Variants in SLC16A6 observed in about 807,000 individuals in gnomAD.
The protein encoded by SLC16A6 is solute carrier family 16 member 6.
In SLC16A6, 15 loss-of-function variants were observed where a neutral mutation model predicts 33.8. The ratio of observed to expected loss-of-function variants is 0.44; its 90% confidence interval spans 0.30 to 0.68. SLC16A6 has a LOEUF of 0.68. SLC16A6 is among the 30% of genes least tolerant of loss of function. The pLI, the probability that SLC16A6 is intolerant of heterozygous loss-of-function variation, is 0.10. For synonymous variants in SLC16A6, 219 were observed against 248.4 expected, an observed-to-expected ratio of 0.88 and a Z score of 1.11; for missense variants, 451 against 661.5, an observed-to-expected ratio of 0.68 and a Z score of 3.49.
intron 1 of SLC16A6, among the ~76,000 whole-genome samples, chr17:68,281,778 G>T (rs1222206154): frequency 1.3e-5 from 2 of 152,128 alleles, no homozygotes; most frequent in African/African-American, 2.4e-5. Flanking sequence ...ATGCTGGCAA[G>T]GATGCGGAGA....
At chr17:68,287,666 C>G (rs2075871465) in intron 1 of SLC16A6, among the ~76,000 whole-genome samples, 1 of 152,266 alleles carries the variant, frequency 6.6e-6, no homozygotes, top group Admixed American at 6.5e-5. Context: ...AGATGACACC[C>G]TGAACCCCGT....
At chr17:68,273,001 C>A (rs1428932465) in intron 3 of SLC16A6, among the ~76,000 whole-genome samples, 1 of 146,866 alleles carries the variant, frequency 6.8e-6, no homozygotes, top group African/African-American at 2.5e-5. Context: ...TTTTTTTTAT[C>A]TTTGCAACAC....
chr17:68,268,411 T>C lies in SLC16A6; in HGVS notation c.*685A>G, dbSNP rs1255257497. 1 of 139,636 alleles carries C rather than the reference T, an allele frequency of 7.2e-6. No individual in the cohort carries two copies. The highest frequency in any genetic ancestry group is 1.5e-5 in the Non-Finnish European group (1 of 65,630). The allele number at this position is 139,636 out of a possible 1,614,324, so 8.6% of individuals were successfully genotyped here. On this transcript the variant is annotated 3_prime_UTR_variant, in exon 6 of 6. Transcript: ENST00000580666. ...ATAAAAAGAAGTGGTAATCTTCACA[T>C]TTATGAAGTTCAAGTTATATATATA...
chr17:68,273,955 A>G lies in SLC16A6; in HGVS notation c.348T>C (p.His116=), dbSNP rs782107115. 12 of 1,614,094 alleles carry G rather than the reference A, an allele frequency of 7.4e-6. No homozygotes were observed. In the South Asian group the frequency reaches 1.2e-4, roughly 16 times the overall value. ...VAASFSQEVS[H]MYVAIGIISG... is the part of the protein sequence containing the mutation. ...AGATGATGCCGATGGCGACGTACAT[A>G]TGAGAAACCTCTTGTGAGAAGGAGG... The change falls in exon 3 of 6, where the codon CAT becomes CAC. Residue 116 remains histidine (H), a synonymous_variant. Coordinates refer to ENST00000580666, the MANE Select transcript of SLC16A6 (RefSeq NM_004694.5).
intron 3 of SLC16A6, among the ~76,000 whole-genome samples, chr17:68,273,223 T>C (rs79998154): frequency 6.6e-6 from 1 of 151,600 alleles, no homozygotes; most frequent in African/African-American, 2.4e-5. Flanking sequence ...TTTTTTTTTT[T>C]AAACAGACAG....
At position 68,291,078 on chromosome 17, in the gene SLC16A6, C is replaced by G. The variant is rs1311349710; in HGVS notation, c.-8+8G>C. ...CTTTTAAACATGTAAAATAATAAAC[C>G]AACTCACCAAGTTAGAAGGGAAGAG... On this transcript the variant is annotated splice_region_variant and intron_variant, in intron 1 of 5. Coordinates refer to ENST00000580666, the MANE Select transcript of SLC16A6 (RefSeq NM_004694.5). The G allele has an allele frequency of 1.3e-5, 2 of 152,150 alleles. No individual in the cohort carries two copies. Among genetic ancestry groups the G allele is most frequent in the Non-Finnish European group, 2.9e-5 (2 of 68,016 alleles). The allele number at this position is 152,150 out of a possible 1,614,324, so 9.4% of individuals were successfully genotyped here. A position where few individuals can be genotyped will look rare whatever the true frequency, so the allele number is the denominator to read the frequency against.
chr17:68,283,476 G>A (rs559776243), intron 1 of SLC16A6, among the ~76,000 whole-genome samples: 131 of 149,748 alleles, frequency 8.7e-4, no homozygotes, highest in Non-Finnish European at 1.5e-3. Flanking sequence ...AGCCGAGATC[G>A]CGCCACTGCA....
At chr17:68,284,714 C>T (rs997003605) in intron 1 of SLC16A6, among the ~76,000 whole-genome samples, 8 of 152,190 alleles carry the variant, frequency 5.3e-5, no homozygotes, top group Non-Finnish European at 4.4e-5. Context: ...CTACTGATAG[C>T]GCCATTCCCA....
chr17:68,275,420 C>T (rs1555750568), intron 2 of SLC16A6, among the ~76,000 whole-genome samples: 1 of 152,064 alleles, frequency 6.6e-6, no homozygotes, highest in Non-Finnish European at 1.5e-5. Flanking sequence ...GGATGTAGCT[C>T]ATAATAAAAC....
At chr17:68,274,799 A>C (rs535992318) in intron 2 of SLC16A6, among the ~76,000 whole-genome samples, 1 of 133,380 alleles carries the variant, frequency 7.5e-6, no homozygotes, top group South Asian at 2.3e-4. Context: ...TTTTTTTTTG[A>C]GATGGAGTTT....
At chr17:68,291,478 C>T (rs1190593863), upstream of SLC16A6, 34 of 150,760 alleles carry the variant, frequency 2.3e-4, no homozygotes, top group Non-Finnish European at 1.5e-4. Flanking sequence ...AGGAGGGGGC[C>T]TGCCTGGCGC....
Position 68,278,696 on chromosome 17 carries a change from T to C in SLC16A6, c.-7-369A>G, listed in dbSNP as rs1050135445. ...GTGTAGTTGTGTGATCTTGGCTCAC[T>C]GAAATCTCGGCCTCCCGGGTTCAAG... is the stretch of plus-strand genomic sequence containing the variant. On this transcript the variant is annotated intron_variant, in intron 1 of 5. Coordinates refer to ENST00000580666, the MANE Select transcript of SLC16A6 (RefSeq NM_004694.5). Among the ~76,000 whole-genome samples, 5 of 148,822 alleles carry C rather than the reference T, an allele frequency of 3.4e-5. No individual in the cohort carries two copies. In the East Asian group the frequency reaches 1.0e-3, roughly 30 times the overall value.
intron 1 of SLC16A6, among the ~76,000 whole-genome samples, 157 bp downstream of exon 1, chr17:68,290,929 G>A (rs1045487241): frequency 6.6e-6 from 1 of 152,024 alleles, no homozygotes; most frequent in Non-Finnish European, 1.5e-5. Flanking sequence ...AACTGTCAGA[G>A]CGAATATTTT....
chr17:68,288,095 C>T (rs545695155), intron 1 of SLC16A6, among the ~76,000 whole-genome samples: 17 of 151,278 alleles, frequency 1.1e-4, no homozygotes, highest in African/African-American at 3.6e-4. Context: ...CTCCCGGGTT[C>T]AAGCGACTCT....
chr17:68,272,690 T>C lies in SLC16A6; in HGVS notation c.454A>G (p.Thr152Ala), dbSNP rs782629922. ...CATTCTCCTGTGGAAGCAACTGCAG[T>C]GACTATGGAACGTCTTTTGCCAAAA... ...QYFGKRRSIV[T>A]AVASTGECFA... The change falls in exon 4 of 6, where the codon ACT (threonine) becomes GCT (alanine). Residue 152 changes from threonine to alanine, a missense_variant. Coordinates refer to ENST00000580666, the MANE Select transcript of SLC16A6 (RefSeq NM_004694.5). The C allele has an allele frequency of 4.3e-6, 7 of 1,614,208 alleles. No individual in the cohort carries two copies. Among genetic ancestry groups the C allele is most frequent in the Non-Finnish European group, 5.9e-6 (7 of 1,180,014 alleles).
chr17:68,278,056 T>G (rs1195266185), intron 2 of SLC16A6, 33 bp downstream of exon 2: 4 of 1,507,626 alleles, frequency 2.7e-6, no homozygotes, highest in Non-Finnish European at 3.7e-6. Flanking sequence ...GGCCCTATAC[T>G]TACGTCATGG....
intron 2 of SLC16A6, among the ~76,000 whole-genome samples, chr17:68,276,636 T>C (rs2075532034): frequency 6.6e-6 from 1 of 152,100 alleles, no homozygotes. Flanking sequence ...TAATTTTTTG[T>C]AGAGATGGAG....
chr17:68,285,064 G>A (rs2075810312), intron 1 of SLC16A6, among the ~76,000 whole-genome samples: 2 of 152,280 alleles, frequency 1.3e-5, no homozygotes, highest in African/African-American at 4.8e-5. Flanking sequence ...CTGCCTCCAT[G>A]GACTAAAATA....
rs1277764100 is a variant in SLC16A6, at chr17:68,267,113, G to C, written c.*1983C>G. On this transcript the variant is annotated 3_prime_UTR_variant, in exon 6 of 6. Coordinates refer to ENST00000580666, the MANE Select transcript of SLC16A6 (RefSeq NM_004694.5). ...ACAGAACAGATCAGCAATCTTGTTTGTATTTTCTTCCAAACATTTAAAACC... is the reference window on the plus strand; with the variant it reads ...ACAGAACAGATCAGCAATCTTGTTTCTATTTTCTTCCAAACATTTAAAACC... 6.6e-6 allele frequency: 1 copy of C among 152,102 alleles called. No individual in the cohort carries two copies. Among genetic ancestry groups the C allele is most frequent in the Non-Finnish European group, 1.5e-5 (1 of 67,992 alleles). The allele number at this position is 152,102 out of a possible 1,614,324, so 9.4% of individuals were successfully genotyped here.
Sources: allele counts gnomAD v4.1 joint callset (sites outside exome capture counted in the v4.1 genomes callset), GRCh38; gene constraint gnomAD v4.1.1; transcripts MANE v1.5; gene names NCBI Gene and HGNC (gene_info 2026-07-23, HGNC 2026-07-21).